The following MCPH1 variants were observed in gnomAD, a reference collection of about 807,000 sequenced individuals.
MCPH1 encodes the protein microcephalin 1.
In MCPH1, 104 loss-of-function variants were observed where a neutral mutation model predicts 84.5. That is an observed-to-expected ratio of 1.23 (90% confidence interval 1.05 to 1.45). MCPH1 has a LOEUF of 1.45. Ranked by LOEUF, MCPH1 falls within the 40% of genes most tolerant of loss-of-function variation. The pLI is 0.00. For synonymous variants in MCPH1, 514 were observed against 366.8 expected (o/e 1.40, Z -4.58); for missense variants, 1,498 against 1,005.7 (o/e 1.49, Z -6.62).
At chr8:6,412,969 T>C (rs1798752263) in intron 2 of MCPH1, among the ~76,000 whole-genome samples, 1 of 152,236 alleles carries the variant, frequency 6.6e-6, no homozygotes, top group African/African-American at 2.4e-5. Context: ...ACAGCTACTT[T>C]CAAATCATCT....
chr8:6,503,398 G>A, intron 12 of MCPH1: 1 of 794,710 alleles, frequency 1.3e-6, no homozygotes, highest in East Asian at 2.6e-5. Context: ...GTGAGTATAG[G>A]ATGTGCACTG....
At chr8:6,497,812 G>A (rs1586120019) in intron 11 of MCPH1, among the ~76,000 whole-genome samples, 1 of 152,146 alleles carries the variant, frequency 6.6e-6, no homozygotes, top group Admixed American at 6.5e-5. Context: ...GCTTTCTATA[G>A]ATTAATTTGA....
chr8:6,485,631 T>G (rs997337097), intron 11 of MCPH1, among the ~76,000 whole-genome samples: 2 of 152,100 alleles, frequency 1.3e-5, no homozygotes, highest in African/African-American at 4.8e-5. Context: ...ACGTCACAAA[T>G]GTATGTCTGT....
At chr8:6,510,943 A>T (rs887879365) in intron 12 of MCPH1, among the ~76,000 whole-genome samples, 2 of 152,220 alleles carry the variant, frequency 1.3e-5, no homozygotes, top group African/African-American at 4.8e-5. Context: ...CTGCTGCAAA[A>T]TGCTAATGTC....
chr8:6,444,985 TAAGGA>T lies in MCPH1; in HGVS notation c.1268_1272del (p.Glu423ValfsTer8), dbSNP rs769849928. ...ATGACTATTTTTCACCTGATAATCT[TAAGGA>T]AAGGTATTCAGAGAATCTTCCTCCT... On this transcript the variant is annotated frameshift_variant, in exon 8 of 14. Coordinates refer to ENST00000344683, the MANE Select transcript of MCPH1 (RefSeq NM_024596.5). LOFTEE classifies it high-confidence loss of function. The T allele has an allele frequency of 1.2e-6, 2 of 1,614,190 alleles. No individual in the cohort carries two copies. The highest frequency in any genetic ancestry group is 1.1e-5 in the South Asian group (1 of 91,084).
At chr8:6,465,741 A>G (rs1036865366) in intron 9 of MCPH1, among the ~76,000 whole-genome samples, 4 of 152,134 alleles carry the variant, frequency 2.6e-5, no homozygotes, top group African/African-American at 9.7e-5. Context: ...CATGTTAATA[A>G]GTAACAAGCG....
chr8:6,469,736 C>T (rs536137337), intron 9 of MCPH1, among the ~76,000 whole-genome samples: 17 of 152,228 alleles, frequency 1.1e-4, no homozygotes, highest in Non-Finnish European at 2.2e-4. Flanking sequence ...ACTAATAAAA[C>T]GGGTATATCT....
chr8:6,527,462 A>T, intron 12 of MCPH1: 1 of 1,477,808 alleles, frequency 6.8e-7, no homozygotes, highest in Non-Finnish European at 9.2e-7. Context: ...ACATGAAGAA[A>T]CTCACCATTC....
intron 13 of MCPH1, among the ~76,000 whole-genome samples, chr8:6,622,975 G>C (rs996951089): frequency 4.6e-5 from 7 of 150,928 alleles, no homozygotes; most frequent in Non-Finnish European, 8.8e-5. Context: ...CAAGTAGCTG[G>C]AACTACAGGT....
chr8:6,445,913 T>A (rs2515570), intron 8 of MCPH1: 784,207 of 994,004 alleles, frequency 0.79, 316,143 homozygotes, highest in Non-Finnish European at 0.82. Context: ...GATAGAGAGT[T>A]TTTTAAAACC....
At chr8:6,642,897 GT>G in intron 13 of MCPH1, 96 bp from the exon 14 acceptor site, 2 of 1,159,684 alleles carry the variant, frequency 1.7e-6, no homozygotes. Context: ...TTGGCTATTT[GT>G]TTTTAAATAT....
At chr8:6,621,867 C>T (rs1239550016) in intron 13 of MCPH1, among the ~76,000 whole-genome samples, 176 bp downstream of exon 13, 1 of 152,034 alleles carries the variant, frequency 6.6e-6, no homozygotes, top group Non-Finnish European at 1.5e-5. Context: ...ATTCCCGCTC[C>T]TTGCTGTTAG....
At chr8:6,409,223 G>A (rs1798194557) in intron 1 of MCPH1, 56 bp from the exon 2 acceptor site, 4 of 1,391,822 alleles carry the variant, frequency 2.9e-6, no homozygotes, top group Non-Finnish European at 4.1e-6. Context: ...AAAATCTATT[G>A]GGCAGGGGAT....
chr8:6,592,525 C>T (rs1038156007), intron 12 of MCPH1, among the ~76,000 whole-genome samples: 15 of 151,746 alleles, frequency 9.9e-5, no homozygotes, highest in African/African-American at 2.9e-4. Flanking sequence ...TTTCCCTCTC[C>T]AATTCCATTC....
At chr8:6,431,440 C>T (rs530772944) in intron 3 of MCPH1, 59 bp from the exon 4 acceptor site, 106 of 1,248,926 alleles carry the variant, frequency 8.5e-5, no homozygotes, top group Non-Finnish European at 1.2e-4. Context: ...AGATTTAGTG[C>T]TGTGTCAATG....
intron 8 of MCPH1, chr8:6,445,768 T>C: frequency 1.5e-6 from 2 of 1,339,986 alleles, no homozygotes; most frequent in Non-Finnish European, 1.9e-6. Flanking sequence ...CTGTTAGGAA[T>C]CTATTTCTCC....
At chr8:6,447,628 G>A (rs909636516) in intron 8 of MCPH1, among the ~76,000 whole-genome samples, 18 of 152,130 alleles carry the variant, frequency 1.2e-4, no homozygotes, top group Admixed American at 4.6e-4. Flanking sequence ...TCAGCTCACT[G>A]CAACCTCCGC....
intron 8 of MCPH1, among the ~76,000 whole-genome samples, chr8:6,449,257 C>T (rs748372445): frequency 9.2e-5 from 14 of 152,270 alleles, no homozygotes; most frequent in South Asian, 4.1e-4. Flanking sequence ...TGCCTCTTAG[C>T]GTGTCCTTAT....
chr8:6,505,272 G>GTA (rs1813153984), intron 12 of MCPH1, among the ~76,000 whole-genome samples: 2 of 21,938 alleles, frequency 9.1e-5, no homozygotes, highest in Non-Finnish European at 1.7e-4. Flanking sequence ...TTATATATAT[G>GTA]TATACATATA....
Sources: allele counts gnomAD v4.1 joint callset (sites outside exome capture counted in the v4.1 genomes callset), GRCh38; gene constraint gnomAD v4.1.1; transcripts MANE v1.5; gene names NCBI Gene and HGNC (gene_info 2026-07-23, HGNC 2026-07-21).